Variants in PTPN5 observed in about 807,000 individuals in gnomAD.
The protein encoded by PTPN5 is protein tyrosine phosphatase non-receptor type 5.
Under a neutral mutation model 73.9 loss-of-function variants are expected in PTPN5, and 29 were observed. The ratio of observed to expected loss-of-function variants is 0.39; its 90% CI spans 0.29 to 0.54. The LOEUF is 0.54. Among genes scored for constraint, PTPN5 ranks in the 20% least tolerant of loss-of-function variants. The pLI is 0.65. For synonymous variants in PTPN5, 267 were observed against 304.7 expected (o/e 0.88, Z 1.29); for missense variants, 652 against 751.4 (o/e 0.87, Z 1.55).
At chr11:18,741,319 C>T (rs1440052245) in intron 7 of PTPN5, among the ~76,000 whole-genome samples, 1 of 152,166 alleles carries the variant, frequency 6.6e-6, no homozygotes, top group Non-Finnish European at 1.5e-5. Context: ...GAGGGAGTCC[C>T]AGGAGCAGCA....
rs1849502580 is a variant in PTPN5, at chr11:18,744,086, T to G, written c.211A>C (p.Lys71Gln). 2 of 1,610,374 alleles carry G rather than the reference T, an allele frequency of 1.2e-6. No homozygotes were observed. Among genetic ancestry groups the G allele is most frequent in the Non-Finnish European group, 1.7e-6 (2 of 1,178,384 alleles). The change falls in exon 4 of 15, where the codon AAG (lysine) becomes CAG (glutamine). Residue 71 changes from lysine to glutamine, a missense_variant. Coordinates refer to ENST00000358540, the MANE Select transcript of PTPN5 (RefSeq NM_006906.2). ...PPSPPSDPAQKPPPRGAGSHS... is the reference protein window; with the variant it reads ...PPSPPSDPAQQPPPRGAGSHS... Reference sequence around the variant, plus strand: ...CTCCCAGCGCCTCGAGGTGGTGGCTTCTGAGCTGGATCTGAGGGCGGCGAG... The same window carrying G: ...CTCCCAGCGCCTCGAGGTGGTGGCTGCTGAGCTGGATCTGAGGGCGGCGAG...
At position 18,765,881 on chromosome 11, in the gene PTPN5, C is replaced by T. The variant is rs1233841010; in HGVS notation, c.23G>A (p.Ser8Asn). The change falls in exon 3 of 15, where the codon AGT becomes AAT. Residue 8 changes from serine (S) to asparagine (N), a missense_variant and splice_region_variant. By Grantham distance (46) the Ser-to-Asn change is conservative. This residue lies in a region of PTPN5 where 529 missense variants were observed against 573.9 expected (regional missense o/e 0.92). Transcript: ENST00000358540. ...ATCAGCAGCGTGGTTCTCTCTCTCACTCCTGCAGCAGGATGGAAAAGGTAA... is the reference window on the plus strand; with the variant it reads ...ATCAGCAGCGTGGTTCTCTCTCTCATTCCTGCAGCAGGATGGAAAAGGTAA... MNYEGARSERENHAADDS... is the reference protein window; with the variant it reads MNYEGARNERENHAADDS... The T allele has an allele frequency of 5.7e-6, 9 of 1,572,688 alleles. No individual in the cohort carries two copies. The highest frequency in any genetic ancestry group is 1.9e-5 in the Admixed American group (1 of 53,960).
Position 18,733,662 on chromosome 11 carries a change from T to C in PTPN5, c.1001-27A>G. On this transcript the variant is annotated intron_variant, in intron 9 of 14. Coordinates refer to ENST00000358540, the MANE Select transcript of PTPN5 (RefSeq NM_006906.2). The surrounding 1 kb of genome is among the most constrained non-coding windows in gnomAD (Gnocchi z 4.3). ...TGGGGTGGTGGGAGACAAGTAAGGC[T>C]GGAAACTGGGCCCTCTGGTGCAGGA... The C allele has an allele frequency of 3.1e-6, 5 of 1,610,274 alleles. No individual in the cohort carries two copies. Among genetic ancestry groups the C allele is most frequent in the Non-Finnish European group, 4.3e-6 (5 of 1,176,432 alleles).
intron 3 of PTPN5, chr11:18,749,363 C>G (rs1849778889): frequency 1.5e-5 from 8 of 518,632 alleles, no homozygotes; most frequent in South Asian, 1.1e-4. Context: ...CAAGTAAGTG[C>G]AGACCTGAGA....
chr11:18,766,452 C>T (rs1850649048), intron 2 of PTPN5, among the ~76,000 whole-genome samples: 1 of 152,170 alleles, frequency 6.6e-6, no homozygotes, highest in African/African-American at 2.4e-5. Context: ...TATGCAAGTC[C>T]CCTCTGCCCC....
chr11:18,728,792 T>G lies in PTPN5; in HGVS notation c.*142A>C, dbSNP rs1590466912. The G allele has an allele frequency of 2.9e-6, 2 of 695,338 alleles. No homozygotes were observed. The highest frequency in any genetic ancestry group is 4.7e-6 in the Non-Finnish European group (2 of 425,790). 43.1% of individuals were successfully genotyped at this position (695,338 alleles called of 1,614,324 possible). A position where few individuals can be genotyped will look rare whatever the true frequency, so the allele number is the denominator to read the frequency against. ...GAAGAGCAATGCTGGAGGGTAGGGG[T>G]CAGGCCAGGCTGACAGAGGACAGAG... On this transcript the variant is annotated 3_prime_UTR_variant, in exon 15 of 15. Transcript: ENST00000358540. This position sits in a 1 kb window ranked among gnomAD's most constrained non-coding sequence, Gnocchi z 4.1.
chr11:18,779,787 T>C (rs1346744211), intron 1 of PTPN5, among the ~76,000 whole-genome samples: 1 of 152,168 alleles, frequency 6.6e-6, no homozygotes, highest in Non-Finnish European at 1.5e-5. Flanking sequence ...ACCCTGGTCC[T>C]CCGGGAAAAG....
chr11:18,772,279 C>A (rs185755282), intron 1 of PTPN5, among the ~76,000 whole-genome samples: 4 of 152,304 alleles, frequency 2.6e-5, no homozygotes, highest in African/African-American at 7.2e-5. Context: ...TAATAAATAT[C>A]TTTTCTGCCT....
chr11:18,741,413 T>TA (rs1409590252), intron 7 of PTPN5, among the ~76,000 whole-genome samples: 1 of 152,040 alleles, frequency 6.6e-6, no homozygotes, highest in Non-Finnish European at 1.5e-5. Context: ...CTTCATTACA[T>TA]AGAAAGAGAA....
chr11:18,749,394 G>A, intron 3 of PTPN5: 1 of 516,396 alleles, frequency 1.9e-6, no homozygotes, highest in South Asian at 1.4e-5. Context: ...GGGCTTTCCA[G>A]CATCAAGTGA....
rs751959534 is a variant in PTPN5 at position 18,737,961 on chromosome 11, T to G, written c.919A>C (p.Ile307Leu). 2 of 1,614,114 alleles carry G rather than the reference T, an allele frequency of 1.2e-6. No individual in the cohort carries two copies. The highest frequency in any genetic ancestry group is 4.5e-5 in the East Asian group (2 of 44,880). The change falls in exon 9 of 15, where the codon ATC (isoleucine) becomes CTC (leucine). Residue 307 changes from isoleucine to leucine, a missense_variant. By Grantham distance (5) the Ile-to-Leu change is conservative. Coordinates refer to ENST00000358540, the MANE Select transcript of PTPN5 (RefSeq NM_006906.2). ...PFLLQAEFFE[I>L]PMNFVDPKEY... ...TTCGGATCCACAAAGTTCATGGGGA[T>G]TTCCTGTGGAAGGAGGACACGGGGT... is the stretch of plus-strand genomic sequence containing the variant.
chr11:18,785,053 C>T (rs1034974745), intron 1 of PTPN5, among the ~76,000 whole-genome samples: 8 of 152,042 alleles, frequency 5.3e-5, no homozygotes, highest in Non-Finnish European at 1.2e-4. Context: ...AGAGTTTCAC[C>T]GTGTTGGCCA....
At chr11:18,739,245 G>T (rs898973688) in intron 8 of PTPN5, among the ~76,000 whole-genome samples, 1 of 152,186 alleles carries the variant, frequency 6.6e-6, no homozygotes, top group Non-Finnish European at 1.5e-5. Flanking sequence ...CTCAGGCCAC[G>T]CTCCTTCCTC....
chr11:18,770,446 G>A (rs1028225728), intron 2 of PTPN5, among the ~76,000 whole-genome samples: 9 of 152,216 alleles, frequency 5.9e-5, no homozygotes, highest in African/African-American at 1.9e-4. Flanking sequence ...TAGCAAGTCC[G>A]TAGCATACAT....
Position 18,733,067 on chromosome 11 carries a change from A to G in PTPN5, c.1218+168T>C, listed in dbSNP as rs1167215309. Among the ~76,000 whole-genome samples, 1 of 152,200 alleles carries G rather than the reference A, an allele frequency of 6.6e-6. No homozygotes were observed. Among genetic ancestry groups the G allele is most frequent in the Non-Finnish European group, 1.5e-5 (1 of 68,038 alleles). On this transcript the variant is annotated intron_variant, in intron 11 of 14. Transcript: ENST00000358540. The surrounding 1 kb of genome is among the most constrained non-coding windows in gnomAD (Gnocchi z 4.3). ...CCTCCAGGCATGCCTCTATCTGTGAAGCCCGGGGCAAATGACTTAACCTTA... is the reference window on the plus strand; with the variant it reads ...CCTCCAGGCATGCCTCTATCTGTGAGGCCCGGGGCAAATGACTTAACCTTA...
chr11:18,749,476 GT>G, intron 3 of PTPN5: 1 of 517,814 alleles, frequency 1.9e-6, no homozygotes, highest in Non-Finnish European at 3.9e-6. Flanking sequence ...TATGTCTGGG[GT>G]CGGGGGAGGG....
chr11:18,788,137 G>A (rs1433070153), intron 1 of PTPN5, among the ~76,000 whole-genome samples: 1 of 152,104 alleles, frequency 6.6e-6, no homozygotes, highest in Non-Finnish European at 1.5e-5. Context: ...CAATTTTAGT[G>A]ACACTGTGGC....
intron 2 of PTPN5, among the ~76,000 whole-genome samples, chr11:18,770,462 C>G (rs74678744): frequency 6.6e-6 from 1 of 152,208 alleles, no homozygotes; most frequent in African/African-American, 2.4e-5. Flanking sequence ...TACATCAGTA[C>G]TTCATTCCTT....
chr11:18,746,170 T>A (rs1276478720), intron 3 of PTPN5, among the ~76,000 whole-genome samples: 1 of 100,240 alleles, frequency 1.0e-5, no homozygotes, highest in African/African-American at 2.8e-5. Context: ...TAAATATATA[T>A]ATATATATAT....
Sources: allele counts gnomAD v4.1 joint callset (sites outside exome capture counted in the v4.1 genomes callset), GRCh38; gene constraint gnomAD v4.1.1; regional missense constraint gnomAD v4.1.1; non-coding constraint Gnocchi (gnomAD v3.1); transcripts MANE v1.5; gene names NCBI Gene and HGNC (gene_info 2026-07-23, HGNC 2026-07-21).